KDM4C: variants seen among roughly 807,000 people sequenced by gnomAD.
The protein encoded by KDM4C is lysine-specific demethylase 4C.
Under a neutral mutation model 129.3 loss-of-function variants are expected in KDM4C, and 81 were observed. The observed-to-expected ratio is 0.63, with a 90% CI of 0.52 to 0.75. The LOEUF is 0.75. Among genes scored for constraint, KDM4C ranks in the 30% least tolerant of loss-of-function variants. The pLI is 0.00. For synonymous variants in KDM4C, 573 were observed against 456.1 expected, an observed-to-expected ratio of 1.26 and a Z score of -3.26; for missense variants, 1,457 against 1,304.0, an observed-to-expected ratio of 1.12 and a Z score of -1.81.
intron 21 of KDM4C, among the ~76,000 whole-genome samples, chr9:7,173,039 G>T (rs939165083): frequency 5.3e-5 from 8 of 152,276 alleles, no homozygotes; most frequent in Non-Finnish European, 1.2e-4. Flanking sequence ...TTACTGAACA[G>T]CAGCCAAATA....
At chr9:7,159,771 C>T (rs918624023) in intron 19 of KDM4C, among the ~76,000 whole-genome samples, 1 of 152,084 alleles carries the variant, frequency 6.6e-6, no homozygotes, top group African/African-American at 2.4e-5. Flanking sequence ...ACACTTTTTC[C>T]TTCATTTCAA....
chr9:7,119,475 A>G (rs1416452851), intron 18 of KDM4C, among the ~76,000 whole-genome samples: 3 of 152,176 alleles, frequency 2.0e-5, no homozygotes, highest in African/African-American at 7.2e-5. Flanking sequence ...TCATATTACC[A>G]TTTTAACAGA....
chr9:6,987,289 G>T (rs1275596796), intron 11 of KDM4C, among the ~76,000 whole-genome samples: 2 of 152,154 alleles, frequency 1.3e-5, no homozygotes, highest in Non-Finnish European at 1.5e-5. Context: ...CTCGAAAGAG[G>T]CCCTTTGCCT....
At chr9:7,065,606 G>T (rs1011519326) in intron 17 of KDM4C, among the ~76,000 whole-genome samples, 1 of 152,142 alleles carries the variant, frequency 6.6e-6, no homozygotes, top group Non-Finnish European at 1.5e-5. Context: ...TTTCTGACCA[G>T]AGCTGACTGA....
intron 15 of KDM4C, among the ~76,000 whole-genome samples, chr9:7,045,748 C>G (rs563212086): frequency 6.6e-6 from 1 of 151,994 alleles, no homozygotes; most frequent in African/African-American, 2.4e-5. Context: ...ACACACAAAC[C>G]TGTTGGACAT....
intron 17 of KDM4C, among the ~76,000 whole-genome samples, chr9:7,070,475 C>T (rs2132807990): frequency 6.6e-6 from 1 of 152,130 alleles, no homozygotes; most frequent in East Asian, 1.9e-4. Flanking sequence ...TTCAAAAAAT[C>T]CCATCATAAT....
intron 15 of KDM4C, among the ~76,000 whole-genome samples, chr9:7,039,246 A>G (rs1270861613): frequency 6.6e-6 from 1 of 151,988 alleles, no homozygotes; most frequent in East Asian, 1.9e-4. Context: ...TTGGATCTGG[A>G]CATTTTGAAT....
rs182640106 is a variant in KDM4C at position 7,077,999 on chromosome 9, T to C, written c.2425-25686T>C. Among the ~76,000 whole-genome samples the C allele has an allele frequency of 1.4e-3, 220 of 152,308 alleles. 2 individuals are homozygous for C. Among genetic ancestry groups the C allele is most frequent in the Non-Finnish European group, 9.6e-4 (65 of 68,024 alleles). On this transcript the variant is annotated intron_variant, in intron 17 of 21. Coordinates refer to ENST00000381309, the MANE Select transcript of KDM4C (RefSeq NM_015061.6). The stretch of plus-strand genomic sequence containing the variant: ...ACAATTAAAGGAAAGTTGATCAACA[T>C]GTCTGTTTAATTAATGTTTCTAATA...
Position 6,974,409 on chromosome 9 carries a change from G to C in KDM4C, c.922-6516G>C, listed in dbSNP as rs577083348. 2.6e-3 allele frequency among the ~76,000 whole-genome samples: 397 copies of C among 152,306 alleles called. 1 individual carries two copies. The highest frequency in any genetic ancestry group is 9.1e-3 in the African/African-American group (377 of 41,566). On this transcript the variant is annotated intron_variant, in intron 8 of 21. Coordinates refer to ENST00000381309, the MANE Select transcript of KDM4C (RefSeq NM_015061.6). ...GAGTCTTACTCTGTCGTCCAGGCTGGAGTGCAGTTGTGCGACCGCGGCTCA... is the reference window on the plus strand; with the variant it reads ...GAGTCTTACTCTGTCGTCCAGGCTGCAGTGCAGTTGTGCGACCGCGGCTCA...
intron 1 of KDM4C, among the ~76,000 whole-genome samples, chr9:6,748,509 GA>G (rs371679611): frequency 0.13 from 15,527 of 117,686 alleles, 903 homozygotes; most frequent in Admixed American, 0.19. Flanking sequence ...CTCCGTCTCA[GA>G]AAAAAAAAAA....
intron 5 of KDM4C, 146 bp downstream of exon 5, chr9:6,849,846 CTTCTA>C (rs1838513772): frequency 3.1e-6 from 2 of 642,632 alleles, no homozygotes; most frequent in Non-Finnish European, 5.3e-6. Context: ...AGTTAATTGT[CTTCTA>C]TTCTGTCTGG....
chr9:6,986,886 CGA>C (rs1485846427), intron 11 of KDM4C: 7 of 439,970 alleles, frequency 1.6e-5, no homozygotes, highest in East Asian at 1.3e-4. Flanking sequence ...GGCCACGTGT[CGA>C]TGCTTGATTT....
chr9:6,901,282 C>T (rs960390321), intron 8 of KDM4C, among the ~76,000 whole-genome samples: 7 of 152,192 alleles, frequency 4.6e-5, no homozygotes, highest in Non-Finnish European at 1.0e-4. Flanking sequence ...CTTCCCACAG[C>T]TTCTCATCCA....
chr9:6,778,058 C>G (rs1246339461), intron 1 of KDM4C, among the ~76,000 whole-genome samples: 2 of 150,334 alleles, frequency 1.3e-5, no homozygotes, highest in African/African-American at 4.9e-5. Context: ...GTGGCTGGGA[C>G]TACAGGCATG....
chr9:7,075,427 C>T (rs905220452), intron 17 of KDM4C, among the ~76,000 whole-genome samples: 7 of 152,096 alleles, frequency 4.6e-5, no homozygotes, highest in South Asian at 2.1e-4. Flanking sequence ...GTGCTTCCCT[C>T]ATGAATGGAT....
chr9:7,093,527 G>A (rs116908275), intron 17 of KDM4C, among the ~76,000 whole-genome samples: 2,617 of 152,174 alleles, frequency 0.017, 30 homozygotes, highest in South Asian at 0.049. Flanking sequence ...TTATAATCCA[G>A]GCTTCTCACT....
At chr9:6,975,795 G>A (rs551787815) in intron 8 of KDM4C, among the ~76,000 whole-genome samples, 19 of 152,226 alleles carry the variant, frequency 1.2e-4, no homozygotes, top group Admixed American at 2.0e-4. Context: ...TAATCCCACC[G>A]CTTTGGGCGA....
chr9:6,743,759 G>A (rs1488483957), intron 1 of KDM4C, among the ~76,000 whole-genome samples: 1 of 151,976 alleles, frequency 6.6e-6, no homozygotes, highest in Non-Finnish European at 1.5e-5. Flanking sequence ...CACCTGCCTT[G>A]GCCTCCCAAA....
At chr9:6,756,811 A>G (rs182925841), upstream of KDM4C, among the ~76,000 whole-genome samples, 2 of 152,226 alleles carry the variant, frequency 1.3e-5, no homozygotes, top group African/African-American at 4.8e-5. Context: ...AGCTCAATTA[A>G]TCACATTCCA....
Sources: allele counts gnomAD v4.1 joint callset (sites outside exome capture counted in the v4.1 genomes callset), GRCh38; gene constraint gnomAD v4.1.1; transcripts MANE v1.5; gene names NCBI Gene and HGNC (gene_info 2026-07-23, HGNC 2026-07-21).